The following ILRUN variants were observed in gnomAD, a reference collection of about 807,000 sequenced individuals.
The protein encoded by ILRUN is protein ILRUN.
In ILRUN, 3 loss-of-function variants were observed where a neutral mutation model predicts 33.8. The observed-to-expected ratio is 0.09, with a 90% CI of 0.04 to 0.23. ILRUN has a LOEUF of 0.23. Among genes scored for constraint, ILRUN ranks in the 10% least tolerant of loss-of-function variants. ILRUN has a pLI of 1.00. For missense variants in ILRUN, 210 were observed against 375.1 expected, an observed-to-expected ratio of 0.56 and a Z score of 3.64; for synonymous variants, 124 against 138.9, an observed-to-expected ratio of 0.89 and a Z score of 0.75.
At chr6:34,668,645 C>T (rs1373317635) in intron 1 of ILRUN, among the ~76,000 whole-genome samples, 1 of 152,108 alleles carries the variant, frequency 6.6e-6, no homozygotes, top group Non-Finnish European at 1.5e-5. Context: ...ATCCAAGACG[C>T]CTTCAGAGGC....
intron 3 of ILRUN, among the ~76,000 whole-genome samples, chr6:34,626,484 A>T (rs577668912): frequency 1.3e-5 from 2 of 152,084 alleles, no homozygotes; most frequent in Non-Finnish European, 2.9e-5. Flanking sequence ...ATCGTATTTT[A>T]TTTTTTTATA....
At chr6:34,663,924 T>C (rs932340313) in intron 1 of ILRUN, among the ~76,000 whole-genome samples, 4 of 152,120 alleles carry the variant, frequency 2.6e-5, no homozygotes, top group Non-Finnish European at 5.9e-5. Flanking sequence ...ATGAAACCAA[T>C]GCAATCACTT....
chr6:34,597,886 C>G (rs1004548669), intron 4 of ILRUN, among the ~76,000 whole-genome samples: 1 of 152,192 alleles, frequency 6.6e-6, no homozygotes, highest in African/African-American at 2.4e-5. Flanking sequence ...GCATGTGGTT[C>G]TTCTTCCCTC....
chr6:34,652,804 T>C (rs899650349), intron 2 of ILRUN, among the ~76,000 whole-genome samples: 5 of 152,092 alleles, frequency 3.3e-5, no homozygotes, highest in African/African-American at 1.2e-4. Context: ...TCAACATAAA[T>C]TGTCATTAGA....
At chr6:34,685,978 A>G (rs932740139) in intron 1 of ILRUN, among the ~76,000 whole-genome samples, 38 of 152,336 alleles carry the variant, frequency 2.5e-4, no homozygotes, top group African/African-American at 7.9e-4. Context: ...TAAAACTCTT[A>G]GCAGAAAACA....
At chr6:34,629,417 C>T (rs1267021147) in intron 3 of ILRUN, among the ~76,000 whole-genome samples, 1 of 152,146 alleles carries the variant, frequency 6.6e-6, no homozygotes, top group Non-Finnish European at 1.5e-5. Context: ...ATCCTTCTGC[C>T]TCAGACTCCC....
chr6:34,695,231 T>C lies in ILRUN; in HGVS notation c.158+1215A>G, dbSNP rs144245903. ...CAGTGGATAAGGAATAAAAGAGAGG[T>C]TGGTTGTGCAAGTGATGCCAAGAGA... On this transcript the variant is annotated intron_variant, in intron 1 of 4. Coordinates refer to ENST00000374023, the MANE Select transcript of ILRUN (RefSeq NM_024294.4). Among the ~76,000 whole-genome samples, 488 of 152,252 alleles carry C rather than the reference T, an allele frequency of 3.2e-3. 6 individuals carry two copies. Among genetic ancestry groups the C allele is most frequent in the East Asian group, 8.5e-3 (44 of 5,180 alleles).
At chr6:34,627,660 T>C (rs536977525) in intron 3 of ILRUN, among the ~76,000 whole-genome samples, 2 of 152,138 alleles carry the variant, frequency 1.3e-5, no homozygotes, top group Non-Finnish European at 2.9e-5. Context: ...TGCCATGCCA[T>C]CTGTGCATTT....
chr6:34,696,626 C>A lies in ILRUN; in HGVS notation c.-23G>T. 2 of 1,594,000 alleles carry A rather than the reference C, an allele frequency of 1.3e-6. No individual in the cohort carries two copies. The highest frequency in any genetic ancestry group is 1.7e-6 in the Non-Finnish European group (2 of 1,172,954). The stretch of plus-strand genomic sequence containing the variant: ...CATGGCGGGGACCGGACACCCGCTT[C>A]CCCGCCTCTTCACAACCAAGCCGCC... On this transcript the variant is annotated 5_prime_UTR_variant, in exon 1 of 5. Transcript: ENST00000374023.
intron 3 of ILRUN, among the ~76,000 whole-genome samples, chr6:34,639,705 A>G (rs977551144): frequency 2.6e-5 from 4 of 152,180 alleles, no homozygotes; most frequent in Admixed American, 2.6e-4. Context: ...AAACTCTAAC[A>G]AGTATTAACA....
intron 2 of ILRUN, among the ~76,000 whole-genome samples, chr6:34,651,255 T>A (rs981792474): frequency 6.6e-6 from 1 of 152,182 alleles, no homozygotes; most frequent in African/African-American, 2.4e-5. Context: ...TAGCAACTGC[T>A]ACCTAACCTT....
chr6:34,599,551 G>GT (rs1250926707), intron 4 of ILRUN, among the ~76,000 whole-genome samples: 1 of 151,918 alleles, frequency 6.6e-6, no homozygotes, highest in Non-Finnish European at 1.5e-5. Flanking sequence ...CCCTTGCCTT[G>GT]TTTAAAAAAA....
intron 3 of ILRUN, among the ~76,000 whole-genome samples, chr6:34,632,766 G>A (rs1006731626): frequency 6.6e-6 from 1 of 150,978 alleles, no homozygotes; most frequent in Non-Finnish European, 1.5e-5. Flanking sequence ...CTTGTTATCT[G>A]TCTGCCTCAG....
At chr6:34,642,762 G>A (rs990786987) in intron 3 of ILRUN, among the ~76,000 whole-genome samples, 4 of 145,646 alleles carry the variant, frequency 2.7e-5, no homozygotes, top group African/African-American at 5.1e-5. Flanking sequence ...GCTGAGGAGG[G>A]AGGACCACTT....
intron 2 of ILRUN, among the ~76,000 whole-genome samples, chr6:34,649,821 A>G (rs548101410): frequency 1.3e-5 from 2 of 152,316 alleles, no homozygotes; most frequent in African/African-American, 2.4e-5. Flanking sequence ...CCTTGTACCT[A>G]ATAAAGTGAC....
intron 3 of ILRUN, among the ~76,000 whole-genome samples, chr6:34,626,179 T>G (rs1762124072): frequency 6.6e-6 from 1 of 152,092 alleles, no homozygotes; most frequent in African/African-American, 2.4e-5. Context: ...ATTCCTTTTT[T>G]TCTCTTTTCC....
chr6:34,692,851 T>C (rs1429649336), intron 1 of ILRUN, among the ~76,000 whole-genome samples: 1 of 152,136 alleles, frequency 6.6e-6, no homozygotes, highest in Non-Finnish European at 1.5e-5. Flanking sequence ...ACCTTGAATC[T>C]TGTTATATAA....
At chr6:34,612,063 T>A (rs1319066849) in intron 3 of ILRUN, among the ~76,000 whole-genome samples, 1 of 152,146 alleles carries the variant, frequency 6.6e-6, no homozygotes, top group East Asian at 1.9e-4. Context: ...AATGAGGACT[T>A]AGTAAGCAAA....
At chr6:34,657,275 T>C (rs1762790609) in intron 1 of ILRUN, among the ~76,000 whole-genome samples, 1 of 152,212 alleles carries the variant, frequency 6.6e-6, no homozygotes, top group Admixed American at 6.5e-5. Flanking sequence ...GGGAAGAAAC[T>C]ATTTGTGCAC....
Sources: allele counts gnomAD v4.1 joint callset (sites outside exome capture counted in the v4.1 genomes callset), GRCh38; gene constraint gnomAD v4.1.1; transcripts MANE v1.5; gene names NCBI Gene and HGNC (gene_info 2026-07-23, HGNC 2026-07-21).